Variants in GPC5 observed in about 807,000 individuals in gnomAD.
GPC5 encodes glypican-5.
GPC5 carries 47 observed loss-of-function variants against 53.9 expected under a neutral mutation model. That is an observed-to-expected ratio of 0.87 (90% CI 0.69 to 1.11). The LOEUF (loss-of-function observed/expected upper bound fraction) is 1.11, where lower values mean the gene tolerates loss of function less well. Among genes scored for constraint, GPC5 ranks in the 50% most tolerant of loss-of-function variants. The pLI is 0.00. For synonymous variants in GPC5, 286 were observed against 263.3 expected (o/e 1.09, Z -0.84); for missense variants, 748 against 713.1 (o/e 1.05, Z -0.56).
chr13:92,146,793 G>A (rs1191570146), intron 7 of GPC5, among the ~76,000 whole-genome samples: 1 of 152,000 alleles, frequency 6.6e-6, no homozygotes, highest in Non-Finnish European at 1.5e-5. Flanking sequence ...ACTTCACTTG[G>A]AATAACGGTC....
chr13:92,725,670 AC>A (rs1177599270), intron 7 of GPC5, among the ~76,000 whole-genome samples: 1 of 151,652 alleles, frequency 6.6e-6, no homozygotes, highest in Non-Finnish European at 1.5e-5. Flanking sequence ...TAAAAATCAC[AC>A]GTTCAAATTC....
intron 7 of GPC5, among the ~76,000 whole-genome samples, chr13:92,568,676 C>G (rs1315921225): frequency 9.9e-5 from 15 of 152,132 alleles, no homozygotes; most frequent in Non-Finnish European, 1.9e-4. Flanking sequence ...TATGATCATA[C>G]CACTAAGGGC....
chr13:92,816,582 C>T (rs1324319218), intron 7 of GPC5, among the ~76,000 whole-genome samples: 1 of 151,968 alleles, frequency 6.6e-6, no homozygotes, highest in African/African-American at 2.4e-5. Context: ...TCATTCTCAC[C>T]TTGCTTTCAC....
chr13:92,836,051 A>G lies in GPC5; in HGVS notation c.1562-30231A>G, dbSNP rs112555360. The stretch of plus-strand genomic sequence containing the variant: ...TGAATCACTTGACTTTTTTTTGTCA[A>G]TTGCAGGGATGATTTTTATTTTGAC... On this transcript the variant is annotated intron_variant, in intron 7 of 7. Coordinates refer to ENST00000377067, the MANE Select transcript of GPC5 (RefSeq NM_004466.6). 2.6e-5 allele frequency among the ~76,000 whole-genome samples: 4 copies of G among 152,024 alleles called. 1 individual carries two copies. Among genetic ancestry groups the G allele is most frequent in the African/African-American group, 9.6e-5 (4 of 41,512 alleles).
At chr13:92,213,792 C>T (rs2042391593) in intron 7 of GPC5, among the ~76,000 whole-genome samples, 4 of 152,112 alleles carry the variant, frequency 2.6e-5, no homozygotes, top group Admixed American at 2.6e-4. Context: ...TGCTGCAGTC[C>T]TGCTTTCATT....
intron 7 of GPC5, among the ~76,000 whole-genome samples, chr13:92,236,380 C>A (rs1215044755): frequency 1.3e-5 from 2 of 151,962 alleles, no homozygotes; most frequent in African/African-American, 4.8e-5. Context: ...TGATGTAAAT[C>A]TAACTAACCT....
At chr13:92,814,145 A>T (rs1877384975) in intron 7 of GPC5, among the ~76,000 whole-genome samples, 1 of 151,998 alleles carries the variant, frequency 6.6e-6, no homozygotes, top group Admixed American at 6.6e-5. Context: ...TTTTCAACAA[A>T]TGGTGCTGGA....
At chr13:92,449,947 TA>T (rs1273596201) in intron 7 of GPC5, among the ~76,000 whole-genome samples, 4 of 152,068 alleles carry the variant, frequency 2.6e-5, no homozygotes, top group African/African-American at 7.2e-5. Context: ...TTCAACCCTT[TA>T]AAAAAAATCT....
In GPC5 at chr13:91,483,806, A is replaced by G. The variant is rs141815223; in HGVS notation, c.325+34884A>G. On this transcript the variant is annotated intron_variant, in intron 2 of 7. Transcript: ENST00000377067. ...AGCAAAATGATGTATCATGAATCCA[A>G]TGTTTTTTCTCATCAACATTACAGT... 1.9e-3 allele frequency among the ~76,000 whole-genome samples: 283 copies of G among 152,294 alleles called. 1 individual carries two copies. The highest frequency in any genetic ancestry group is 6.5e-3 in the African/African-American group (268 of 41,544).
At chr13:92,745,710 CAAT>C (rs1192658488) in intron 7 of GPC5, among the ~76,000 whole-genome samples, 1 of 152,006 alleles carries the variant, frequency 6.6e-6, no homozygotes, top group African/African-American at 2.4e-5. Flanking sequence ...TAGTAATAGG[CAAT>C]TCTAAAATTC....
At chr13:92,164,659 G>A (rs2042014383) in intron 7 of GPC5, among the ~76,000 whole-genome samples, 1 of 152,114 alleles carries the variant, frequency 6.6e-6, no homozygotes, top group Admixed American at 6.6e-5. Context: ...ATACCATTCT[G>A]GGGTCTGGAG....
At position 92,387,857 on chromosome 13, in the gene GPC5, A is replaced by T. The variant is rs17433140; in HGVS notation, c.1561+242868A>T. ...ACGGTTGTTTTGAAAATTAATTAAG[A>T]TATTCCGTGTAAGGCATGTGAAATA... On this transcript the variant is annotated intron_variant, in intron 7 of 7. Transcript: ENST00000377067. Among the ~76,000 whole-genome samples, 1,441 of 152,222 alleles carry T rather than the reference A, an allele frequency of 9.5e-3. 12 individuals are homozygous for T. Among genetic ancestry groups the T allele is most frequent in the Non-Finnish European group, 0.015 (1,023 of 67,974 alleles).
intron 7 of GPC5, among the ~76,000 whole-genome samples, chr13:92,717,567 C>A (rs1439484323): frequency 6.6e-6 from 1 of 152,140 alleles, no homozygotes; most frequent in Non-Finnish European, 1.5e-5. Context: ...ACACTTTCTC[C>A]TTCTTCTCCT....
chr13:92,768,349 G>A (rs530109875), intron 7 of GPC5, among the ~76,000 whole-genome samples: 2 of 152,100 alleles, frequency 1.3e-5, no homozygotes, highest in South Asian at 2.1e-4. Flanking sequence ...CACACCTTAT[G>A]AGCCTAATTT....
intron 7 of GPC5, among the ~76,000 whole-genome samples, chr13:92,549,964 C>G (rs981532702): frequency 6.6e-6 from 1 of 151,054 alleles, no homozygotes; most frequent in African/African-American, 2.4e-5. Context: ...AGCTATTTAT[C>G]TGTAACATAT....
chr13:92,467,161 G>T (rs572718004), intron 7 of GPC5, among the ~76,000 whole-genome samples: 7 of 152,116 alleles, frequency 4.6e-5, no homozygotes, highest in Non-Finnish European at 1.0e-4. Flanking sequence ...GAAGTTGTTT[G>T]AACATCATAA....
chr13:92,087,868 C>A (rs2138890827), intron 6 of GPC5, among the ~76,000 whole-genome samples: 1 of 151,946 alleles, frequency 6.6e-6, no homozygotes, highest in South Asian at 2.1e-4. Context: ...TGTGAGAGAA[C>A]TCCAGTGGGC....
intron 7 of GPC5, among the ~76,000 whole-genome samples, chr13:92,500,614 T>A (rs1193135412): frequency 1.3e-5 from 2 of 152,138 alleles, no homozygotes; most frequent in African/African-American, 4.8e-5. Context: ...CAAGATAGTT[T>A]ATTTTACAAT....
At chr13:92,410,038 T>G (rs1383529865) in intron 7 of GPC5, among the ~76,000 whole-genome samples, 1 of 152,222 alleles carries the variant, frequency 6.6e-6, no homozygotes, top group Non-Finnish European at 1.5e-5. Context: ...CTTGATATAT[T>G]TCATATTATT....
Sources: gnomAD v4.1 joint callset for allele counts (sites outside exome capture counted in the v4.1 genomes callset) on GRCh38, gnomAD v4.1.1 for gene constraint, MANE v1.5 for transcripts, NCBI Gene and HGNC (gene_info 2026-07-23, HGNC 2026-07-21) for gene names.